FGGY: variants seen among roughly 807,000 people sequenced by gnomAD.
FGGY encodes the protein FGGY carbohydrate kinase domain-containing protein.
In FGGY, 72 loss-of-function variants were observed where a neutral mutation model predicts 71.3. The observed-to-expected ratio is 1.01, with a 90% CI of 0.84 to 1.23. The LOEUF is 1.23. FGGY is among the 50% of genes most tolerant of loss of function. The probability of loss-of-function intolerance (pLI) is 0.00; values close to 1 mark genes in which losing one functional copy is unlikely to be tolerated. For synonymous variants in FGGY, 251 were observed against 250.3 expected, an observed-to-expected ratio of 1.00 and a Z score of -0.02; for missense variants, 668 against 682.3, an observed-to-expected ratio of 0.98 and a Z score of 0.23.
intron 8 of FGGY, among the ~76,000 whole-genome samples, chr1:59,599,247 G>T (rs191302661): frequency 1.3e-5 from 2 of 152,110 alleles, no homozygotes; most frequent in Admixed American, 1.3e-4. Flanking sequence ...GGTACTACAG[G>T]CACGTGCCAC....
intron 8 of FGGY, among the ~76,000 whole-genome samples, chr1:59,605,756 G>A (rs1051755324): frequency 6.6e-6 from 1 of 152,246 alleles, no homozygotes; most frequent in Non-Finnish European, 1.5e-5. Flanking sequence ...GAGAGAACCG[G>A]GGTAGCTGAG....
chr1:59,590,717 G>C lies in FGGY; in HGVS notation c.904-17086G>C, dbSNP rs191784190. Among the ~76,000 whole-genome samples, 748 of 152,204 alleles carry C rather than the reference G, an allele frequency of 4.9e-3. 8 individuals are homozygous for C. The highest frequency in any genetic ancestry group is 0.017 in the African/African-American group (708 of 41,530). ...TGATTATCTCAATAGATGCAGAAAA[G>C]GCCTTTGACAAAATTCAACAACGCC... On this transcript the variant is annotated intron_variant, in intron 8 of 15. Transcript: ENST00000303721.
intron 7 of FGGY, among the ~76,000 whole-genome samples, chr1:59,527,434 G>A (rs142837702): frequency 1.5e-3 from 229 of 152,240 alleles, no homozygotes; most frequent in African/African-American, 5.3e-3. Flanking sequence ...CCTGAGGGTG[G>A]GCAGTGCTGA....
At chr1:59,575,494 T>G (rs1273538709) in intron 8 of FGGY, among the ~76,000 whole-genome samples, 1 of 152,234 alleles carries the variant, frequency 6.6e-6, no homozygotes, top group Non-Finnish European at 1.5e-5. Context: ...CACATTTTCT[T>G]GATCTGTTGA....
chr1:59,680,775 A>T (rs1438279200), intron 14 of FGGY: 1 of 152,186 alleles, frequency 6.6e-6, no homozygotes, highest in African/African-American at 2.4e-5. Flanking sequence ...CTTTGTGCAG[A>T]TGAGGACTCT....
intron 11 of FGGY, among the ~76,000 whole-genome samples, chr1:59,641,846 G>A (rs899158838): frequency 1.3e-5 from 2 of 152,114 alleles, no homozygotes; most frequent in African/African-American, 4.8e-5. Context: ...AAACAGTTTG[G>A]ACCTCGCCAC....
intron 8 of FGGY, among the ~76,000 whole-genome samples, chr1:59,602,809 C>T (rs768095759): frequency 1.3e-5 from 2 of 152,176 alleles, no homozygotes; most frequent in East Asian, 3.8e-4. Context: ...CTGCACTCCT[C>T]TCTTACCTTT....
chr1:59,398,545 A>G (rs1201960723), intron 5 of FGGY, among the ~76,000 whole-genome samples: 2 of 152,102 alleles, frequency 1.3e-5, no homozygotes, highest in Admixed American at 1.3e-4. Context: ...AGGTTGTAAA[A>G]GTATTTTTAA....
At chr1:59,357,362 A>C (rs571533977) in intron 4 of FGGY, among the ~76,000 whole-genome samples, 1 of 152,318 alleles carries the variant, frequency 6.6e-6, no homozygotes, top group African/African-American at 2.4e-5. Context: ...AAAAAATTTT[A>C]CTTTATGGCT....
chr1:59,678,374 TA>T (rs2097457395), intron 14 of FGGY, among the ~76,000 whole-genome samples: 1 of 152,112 alleles, frequency 6.6e-6, no homozygotes, highest in Non-Finnish European at 1.5e-5. Flanking sequence ...GGAAAACAAA[TA>T]ATTATAATTA....
intron 12 of FGGY, among the ~76,000 whole-genome samples, chr1:59,664,761 C>G (rs902601418): frequency 6.6e-6 from 1 of 152,204 alleles, no homozygotes; most frequent in African/African-American, 2.4e-5. Flanking sequence ...ATGCACCTTT[C>G]GTGAGCTGGA....
At chr1:59,659,444 G>A (rs2097254520) in intron 11 of FGGY, among the ~76,000 whole-genome samples, 2 of 152,138 alleles carry the variant, frequency 1.3e-5, no homozygotes, top group African/African-American at 4.8e-5. Context: ...AATGAATGTT[G>A]GTGAATTAAT....
At chr1:59,495,358 T>C (rs755493191) in intron 6 of FGGY, among the ~76,000 whole-genome samples, 28 of 152,236 alleles carry the variant, frequency 1.8e-4, no homozygotes, top group Non-Finnish European at 3.7e-4. Context: ...TGTCAATTTT[T>C]GCTTTTGTTG....
intron 5 of FGGY, among the ~76,000 whole-genome samples, chr1:59,399,444 A>G (rs1482705998): frequency 6.6e-6 from 1 of 152,116 alleles, no homozygotes; most frequent in African/African-American, 2.4e-5. Context: ...GAGTTAGGTA[A>G]GGTTTAGAGA....
chr1:59,545,036 G>A (rs1466529373), intron 7 of FGGY, among the ~76,000 whole-genome samples: 2 of 152,170 alleles, frequency 1.3e-5, no homozygotes, highest in Non-Finnish European at 2.9e-5. Context: ...TAGGTCAGGG[G>A]CTGGGGCTCC....
chr1:59,481,708 A>G (rs184446819), intron 6 of FGGY, among the ~76,000 whole-genome samples: 76 of 152,140 alleles, frequency 5.0e-4, no homozygotes, highest in Admixed American at 1.2e-3. Context: ...ACTGAGACAT[A>G]CCGTTGTACA....
chr1:59,607,787 C>T lies in FGGY; in HGVS notation c.904-16C>T. 6.3e-7 allele frequency: 1 copy of T among 1,599,158 alleles called. No homozygotes were observed. Among genetic ancestry groups the T allele is most frequent in the East Asian group, 2.2e-5 (1 of 44,794 alleles). Reference sequence around the variant, plus strand: ...GAGAGTCAATGTTTTCACATATTTTCCATCTTTCTTTCCAGATCAGCAAAG... The same window carrying T: ...GAGAGTCAATGTTTTCACATATTTTTCATCTTTCTTTCCAGATCAGCAAAG... On this transcript the variant is annotated splice_polypyrimidine_tract_variant and intron_variant, in intron 8 of 15. Coordinates refer to ENST00000303721, the MANE Select transcript of FGGY (RefSeq NM_018291.5).
intron 3 of FGGY, among the ~76,000 whole-genome samples, chr1:59,340,440 C>A (rs1228504921): frequency 4.6e-5 from 7 of 152,138 alleles, no homozygotes; most frequent in Admixed American, 4.6e-4. Context: ...TATTCCTATT[C>A]CGTGCTTATC....
rs137903633 is a variant in FGGY at position 59,539,344 on chromosome 1, C to G, written c.800-14780C>G. 7.7e-3 allele frequency among the ~76,000 whole-genome samples: 1,176 copies of G among 152,200 alleles called. 35 individuals carry two copies. The highest frequency in any genetic ancestry group is 0.059 in the Admixed American group (895 of 15,280). On this transcript the variant is annotated intron_variant, in intron 7 of 15. Transcript: ENST00000303721. ...GAAAAAGAACAAAGTTGGGAAAACT[C>G]CATAATGCCAGATAGCAGAACATAT...
Sources: gnomAD v4.1 joint callset for allele counts (sites outside exome capture counted in the v4.1 genomes callset) on GRCh38, gnomAD v4.1.1 for gene constraint, MANE v1.5 for transcripts, NCBI Gene and HGNC (gene_info 2026-07-23, HGNC 2026-07-21) for gene names.